Variants in RAB11FIP4 observed in about 807,000 individuals in gnomAD.
RAB11FIP4 encodes the protein RAB11 family interacting protein 4, also known as rab11 family-interacting protein 4.
Under a neutral mutation model 74.3 loss-of-function variants are expected in RAB11FIP4, and 23 were observed. The observed-to-expected ratio is 0.31, with a 90% confidence interval of 0.22 to 0.44. RAB11FIP4 has a LOEUF of 0.44. Ranked by LOEUF, RAB11FIP4 falls within the 20% of genes least tolerant of loss-of-function variation. RAB11FIP4 has a pLI of 1.00. For missense variants in RAB11FIP4, 630 were observed against 863.9 expected, an observed-to-expected ratio of 0.73 and a Z score of 3.39; for synonymous variants, 360 against 359.9, an observed-to-expected ratio of 1.00 and a Z score of 0.00.
At chr17:31,407,021 TG>T (rs1405757074) in intron 1 of RAB11FIP4, among the ~76,000 whole-genome samples, 4 of 151,558 alleles carry the variant, frequency 2.6e-5, no homozygotes, top group African/African-American at 9.7e-5. Context: ...TTGACACATT[TG>T]TTTTTTTGTT....
At chr17:31,419,790 T>G (rs2151623134) in intron 1 of RAB11FIP4, among the ~76,000 whole-genome samples, 1 of 152,240 alleles carries the variant, frequency 6.6e-6, no homozygotes, top group African/African-American at 2.4e-5. Context: ...GATCTCATGA[T>G]CCGCCCACCT....
chr17:31,503,635 G>A (rs2072262017), intron 3 of RAB11FIP4, among the ~76,000 whole-genome samples: 1 of 149,710 alleles, frequency 6.7e-6, no homozygotes, highest in Non-Finnish European at 1.5e-5. Context: ...ACTGTGAATG[G>A]TCTTTTAGAG....
intron 1 of RAB11FIP4, among the ~76,000 whole-genome samples, chr17:31,429,850 A>AG (rs34170333): frequency 6.6e-6 from 1 of 150,516 alleles, no homozygotes; most frequent in African/African-American, 2.5e-5. Flanking sequence ...AAAAAAAAAA[A>AG]GAATCCTTCC....
chr17:31,398,465 G>T (rs1275538372), intron 1 of RAB11FIP4, among the ~76,000 whole-genome samples: 1 of 152,178 alleles, frequency 6.6e-6, no homozygotes, highest in Non-Finnish European at 1.5e-5. Context: ...GTGCCATGGG[G>T]GGTGGGGGGT....
Position 31,528,700 on chromosome 17 carries a change from T to A in RAB11FIP4, c.1575T>A (p.Ser525Arg). 6.2e-7 allele frequency: 1 copy of A among 1,612,424 alleles called. No individual in the cohort carries two copies. The highest frequency in any genetic ancestry group is 1.1e-5 in the South Asian group (1 of 90,898). Residue 525 changes from serine to arginine, a missense_variant, in exon 13 of 15, where the codon AGT (serine) becomes AGA (arginine). By Grantham distance (110) the Ser-to-Arg change is moderately radical (BLOSUM62 -1). Coordinates refer to ENST00000621161, the MANE Select transcript of RAB11FIP4 (RefSeq NM_032932.6). ...LDCERPGRGR[S>R]ASSGLGEFNA... ...GCGAGCGGCCAGGCAGGGGCCGCAG[T>A]GCCTCCTCTGGCCTAGGCGAGTTCA...
rs1292927515 is a variant in RAB11FIP4, at chr17:31,532,581, A to G, written c.*849A>G. On this transcript the variant is annotated 3_prime_UTR_variant, in exon 15 of 15. Coordinates refer to ENST00000621161, the MANE Select transcript of RAB11FIP4 (RefSeq NM_032932.6). ...TTGACATCGGGCAACCAAAGAAATG[A>G]GTTTTGGGGAGGAACACAACTCCCA... The G allele has an allele frequency of 1.3e-5, 2 of 152,418 alleles. No homozygotes were observed. The highest frequency in any genetic ancestry group is 4.8e-5 in the African/African-American group (2 of 41,432). The allele number at this position is 152,418 out of a possible 1,614,324, so 9.4% of individuals were successfully genotyped here.
chr17:31,396,008 C>A (rs758769949), intron 1 of RAB11FIP4, among the ~76,000 whole-genome samples: 2 of 151,460 alleles, frequency 1.3e-5, no homozygotes, highest in African/African-American at 4.9e-5. Context: ...ATGGTGAGAC[C>A]CCCCATCTCT....
At chr17:31,468,912 C>T (rs1018597984) in intron 3 of RAB11FIP4, among the ~76,000 whole-genome samples, 1 of 152,072 alleles carries the variant, frequency 6.6e-6, no homozygotes, top group African/African-American at 2.4e-5. Context: ...CCCTCTGGAG[C>T]ACGTGAGGGT....
At chr17:31,401,353 C>G (rs1452578974) in intron 1 of RAB11FIP4, among the ~76,000 whole-genome samples, 1 of 152,184 alleles carries the variant, frequency 6.6e-6, no homozygotes, top group Non-Finnish European at 1.5e-5. Flanking sequence ...AGCTTAGGGT[C>G]ACCAATTCCC....
At chr17:31,402,231 ACCC>A (rs1720541586) in intron 1 of RAB11FIP4, among the ~76,000 whole-genome samples, 1 of 146,926 alleles carries the variant, frequency 6.8e-6, no homozygotes. Context: ...CCATCCATCC[ACCC>A]ACCATCTACC....
rs2072848964 is a variant in RAB11FIP4, at chr17:31,530,415, C to T, written c.1743C>T (p.Ala581=). 1 of 1,614,130 alleles carries T rather than the reference C, an allele frequency of 6.2e-7. No individual in the cohort carries two copies. Among genetic ancestry groups the T allele is most frequent in the Non-Finnish European group, 8.5e-7 (1 of 1,180,012 alleles). The change falls in exon 14 of 15, where the codon GCC becomes GCT. Residue 581 remains alanine, a synonymous_variant. Coordinates refer to ENST00000621161, the MANE Select transcript of RAB11FIP4 (RefSeq NM_032932.6). The part of the protein sequence containing the change: ...SLYEAKNLFA[A]QTKAQSLAAE... ...ACGAAGCAAAAAACCTCTTTGCTGCCCAGACTAAAGCCCAGTCTCTGGCTG... is the reference window on the plus strand; with the variant it reads ...ACGAAGCAAAAAACCTCTTTGCTGCTCAGACTAAAGCCCAGTCTCTGGCTG...
At position 31,430,199 on chromosome 17, in the gene RAB11FIP4, G is replaced by A. The variant is rs942645831; in HGVS notation, c.160-1614G>A. On this transcript the variant is annotated intron_variant, in intron 1 of 14. Coordinates refer to ENST00000621161, the MANE Select transcript of RAB11FIP4 (RefSeq NM_032932.6). ...GTTGTAGGGAATAGCATGTGCAAAG[G>A]CCCTGGGGCAGAGAAGAGTGTGGTG... 3.9e-5 allele frequency among the ~76,000 whole-genome samples: 6 copies of A among 152,110 alleles called. No homozygotes were observed. The East Asian group carries it at 1.2e-3, about 29-fold the overall frequency.
chr17:31,453,933 CA>C (rs1171422709), intron 3 of RAB11FIP4, among the ~76,000 whole-genome samples: 5 of 152,092 alleles, frequency 3.3e-5, no homozygotes, highest in African/African-American at 4.8e-5. Flanking sequence ...TCTTTTGACT[CA>C]GGGGTGGTGA....
intron 3 of RAB11FIP4, among the ~76,000 whole-genome samples, chr17:31,443,668 G>T (rs907218122): frequency 3.3e-5 from 5 of 152,230 alleles, no homozygotes; most frequent in Non-Finnish European, 4.4e-5. Context: ...CCAGCACTTT[G>T]AGAGGCCGAG....
intron 1 of RAB11FIP4, 145 bp from the exon 2 acceptor site, chr17:31,431,668 G>A (rs1158843905): frequency 3.0e-6 from 2 of 661,684 alleles, no homozygotes; most frequent in Non-Finnish European, 5.3e-6. Context: ...GTGGCCCCAT[G>A]GCTGATACTG....
chr17:31,463,802 A>ATTTTT (rs2071655772), intron 3 of RAB11FIP4, among the ~76,000 whole-genome samples: 20 of 14,182 alleles, frequency 1.4e-3, no homozygotes, highest in Non-Finnish European at 3.2e-3. Flanking sequence ...CTGCGCCTGG[A>ATTTTT]CTTTTTTTTT....
rs2072958611 is a variant in RAB11FIP4, at chr17:31,536,147, C to A, written c.*4415C>A. Reference sequence around the variant, plus strand: ...AGGTGAAACTGGGAGAAATGAAGCCCTCTGTGTCCTGTGTGTGTGGTGGGG... The same window carrying A: ...AGGTGAAACTGGGAGAAATGAAGCCATCTGTGTCCTGTGTGTGTGGTGGGG... On this transcript the variant is annotated 3_prime_UTR_variant, in exon 15 of 15. Transcript: ENST00000621161. 1 of 152,100 alleles carries A rather than the reference C, an allele frequency of 6.6e-6. No homozygotes were observed. Among genetic ancestry groups the A allele is most frequent in the African/African-American group, 2.4e-5 (1 of 41,364 alleles). The allele number at this position is 152,100 out of a possible 1,614,324, so 9.4% of individuals were successfully genotyped here. A position where few individuals can be genotyped will look rare whatever the true frequency, so the allele number is the denominator to read the frequency against.
At chr17:31,409,362 T>C (rs370318750) in intron 1 of RAB11FIP4, among the ~76,000 whole-genome samples, 2 of 152,186 alleles carry the variant, frequency 1.3e-5, no homozygotes, top group East Asian at 3.8e-4. Flanking sequence ...CCAGCATCTA[T>C]TAAATGTTTC....
In RAB11FIP4 at chr17:31,528,606, T is replaced by C; in HGVS notation, c.1495-14T>C. Reference sequence around the variant, plus strand: ...GCATCCCTGCTCCTGCCAACCTGCTTCTCTCCCTCGCAGCTCATCGAGGAC... The same window carrying C: ...GCATCCCTGCTCCTGCCAACCTGCTCCTCTCCCTCGCAGCTCATCGAGGAC... On this transcript the variant is annotated splice_polypyrimidine_tract_variant and intron_variant, in intron 12 of 14. Transcript: ENST00000621161. The C allele has an allele frequency of 6.2e-7, 1 of 1,613,262 alleles. No homozygotes were observed. Among genetic ancestry groups the C allele is most frequent in the Non-Finnish European group, 8.5e-7 (1 of 1,179,602 alleles).
Sources: allele counts gnomAD v4.1 joint callset (sites outside exome capture counted in the v4.1 genomes callset), GRCh38; gene constraint gnomAD v4.1.1; transcripts MANE v1.5; gene names NCBI Gene and HGNC (gene_info 2026-07-23, HGNC 2026-07-21).